The following ERN2 variants were observed in gnomAD, a reference collection of about 807,000 sequenced individuals.
ERN2 encodes the protein endoplasmic reticulum to nucleus signaling 2, also known as serine/threonine-protein kinase/endoribonuclease IRE2.
A neutral mutation model predicts 107.9 loss-of-function variants in ERN2; 111 were observed. The ratio of observed to expected loss-of-function variants is 1.03; its 90% CI spans 0.88 to 1.20. The LOEUF (loss-of-function observed/expected upper bound fraction) is 1.20, where lower values mean the gene tolerates loss of function less well. Ranked by LOEUF, ERN2 falls within the 50% of genes most tolerant of loss-of-function variation. The pLI, the probability that ERN2 is intolerant of heterozygous loss-of-function variation, is 0.00. For missense variants in ERN2, 1,225 were observed against 1,197.9 expected, an observed-to-expected ratio of 1.02 and a Z score of -0.33; for synonymous variants, 524 against 501.7, an observed-to-expected ratio of 1.04 and a Z score of -0.59.
In ERN2 at chr16:23,694,645, C is replaced by A. The variant is rs1361335316; in HGVS notation, c.2100+83G>T. The stretch of plus-strand genomic sequence containing the variant: ...TCACACAGCAAGTGTCATGGAGTCT[C>A]CTCAGGAGGGGAACTGGGACAGGGA... On this transcript the variant is annotated intron_variant, in intron 17 of 21. Transcript: ENST00000256797. 4 of 1,205,270 alleles carry A rather than the reference C, an allele frequency of 3.3e-6. No homozygotes were observed. The African/African-American group carries it at 6.0e-5, about 18-fold the overall frequency. The allele number at this position is 1,205,270 out of a possible 1,614,324, so 74.7% of individuals were successfully genotyped here.
At position 23,713,063 on chromosome 16, in the gene ERN2, T is replaced by C. The variant is rs377314792; in HGVS notation, c.93+32A>G. On this transcript the variant is annotated intron_variant, in intron 1 of 21. Transcript: ENST00000256797. Reference sequence around the variant, plus strand: ...GCCCCCTGCGCCCCGCGACCAGACTTTGGGGACTTGGCGTCGGTCCCTGGC... The same window carrying C: ...GCCCCCTGCGCCCCGCGACCAGACTCTGGGGACTTGGCGTCGGTCCCTGGC... 1,370 of 1,476,138 alleles carry C rather than the reference T, an allele frequency of 9.3e-4. 4 individuals are homozygous for C. Among genetic ancestry groups the C allele is most frequent in the Non-Finnish European group, 1.0e-3 (1,123 of 1,111,438 alleles). 91.4% of individuals were successfully genotyped at this position (1,476,138 alleles called of 1,614,324 possible). A position where few individuals can be genotyped will look rare whatever the true frequency, so the allele number is the denominator to read the frequency against.
chr16:23,695,787 A>G, intron 14 of ERN2, 107 bp downstream of exon 14: 1 of 765,372 alleles, frequency 1.3e-6, no homozygotes, highest in South Asian at 1.5e-5. Flanking sequence ...TGAGGGATCA[A>G]CCTGTACCCA....
intron 4 of ERN2, among the ~76,000 whole-genome samples, chr16:23,707,850 A>G (rs1288049373): frequency 6.6e-6 from 1 of 152,222 alleles, no homozygotes; most frequent in Non-Finnish European, 1.5e-5. Flanking sequence ...ACAGAAGTGA[A>G]GGAGTTGTTC....
At chr16:23,707,220 G>T in intron 4 of ERN2, 141 bp from the exon 5 acceptor site, 1 of 679,216 alleles carries the variant, frequency 1.5e-6, no homozygotes, top group South Asian at 1.7e-5. Context: ...CTGGGGCTTG[G>T]AGAGGCCATG....
chr16:23,705,243 A>G, intron 7 of ERN2, 96 bp from the exon 8 acceptor site: 1 of 1,359,230 alleles, frequency 7.4e-7, no homozygotes, highest in Non-Finnish European at 1.0e-6. Context: ...TGGTGTGTGG[A>G]GATCACATGG....
Position 23,700,952 on chromosome 16 carries a change from G to A in ERN2, c.1359+7C>T. The A allele has an allele frequency of 6.2e-7, 1 of 1,613,184 alleles. No homozygotes were observed. The highest frequency in any genetic ancestry group is 1.3e-5 in the African/African-American group (1 of 74,988). On this transcript the variant is annotated splice_region_variant and intron_variant, in intron 12 of 21. Transcript: ENST00000256797. The stretch of plus-strand genomic sequence containing the variant: ...AGATAGACCTGAGGTCAGGGCGGTG[G>A]GCCTACCTGCCTCATCACAAAGAGA...
chr16:23,694,668 G>T (rs1049920044), intron 17 of ERN2, 60 bp downstream of exon 17: 13 of 1,425,312 alleles, frequency 9.1e-6, no homozygotes, highest in Non-Finnish European at 1.2e-5. Context: ...ACTGGGACAG[G>T]GACGGATTCC....
chr16:23,696,164 C>CT (rs1357657850), intron 13 of ERN2, among the ~76,000 whole-genome samples, 186 bp from the exon 14 acceptor site: 4 of 152,224 alleles, frequency 2.6e-5, no homozygotes, highest in African/African-American at 9.6e-5. Flanking sequence ...GCCACTGATT[C>CT]TTTGTCTACT....
chr16:23,692,220 C>G lies in ERN2; in HGVS notation c.2212G>C (p.Ala738Pro). The change falls in exon 18 of 22, where the codon GCT (alanine) becomes CCT (proline). Residue 738 changes from alanine to proline, a missense_variant. Ala to Pro is a conservative substitution (Grantham distance 27, BLOSUM62 -1). Transcript: ENST00000256797. Reference protein sequence around the residue: ...LYRQANILTGAPCLAHLEEEV... With the variant: ...LYRQANILTGPPCLAHLEEEV... ...TCCTCCAGGTGAGCCAGACAGGGAG[C>G]CCCTGTGAGGATGTTTGCCTGGCGA... The G allele has an allele frequency of 6.2e-7, 1 of 1,614,136 alleles. No individual in the cohort carries two copies. The highest frequency in any genetic ancestry group is 8.5e-7 in the Non-Finnish European group (1 of 1,180,034).
Position 23,690,943 on chromosome 16 carries a change from A to G in ERN2, c.2669T>C (p.Leu890Pro). 6.2e-7 allele frequency: 1 copy of G among 1,614,028 alleles called. No individual in the cohort carries two copies. Among genetic ancestry groups the G allele is most frequent in the South Asian group, 1.1e-5 (1 of 91,086 alleles). Residue 890 changes from leucine to proline, a missense_variant, in exon 22 of 22, where the codon CTC becomes CCC. Coordinates refer to ENST00000256797, the MANE Select transcript of ERN2 (RefSeq NM_033266.4). The stretch of plus-strand genomic sequence containing the variant: ...CCTCATGGCTCGGTGCGTGTGGAGG[A>G]GCAGCCGTGGGAAGCGGTTTGTGAA... ...QYFTNRFPRL[L>P]LHTHRAMRSC...
At position 23,705,001 on chromosome 16, in the gene ERN2, G is replaced by C. The variant is rs749742039; in HGVS notation, c.736C>G (p.Leu246Val). The C allele has an allele frequency of 1.2e-6, 2 of 1,614,058 alleles. No homozygotes were observed. Among genetic ancestry groups the C allele is most frequent in the Non-Finnish European group, 1.7e-6 (2 of 1,180,030 alleles). Reference protein sequence around the residue: ...HQDGLRQLPHLTLARDTLHFL... With the variant: ...HQDGLRQLPHVTLARDTLHFL... ...TGCAGAGTGTCTCGAGCCAGCGTGA[G>C]ATGCGGCAGCTGGCGCAGGCCGTCC... is the stretch of plus-strand genomic sequence containing the variant. The change falls in exon 8 of 22, where the codon CTC becomes GTC. Residue 246 changes from leucine (L) to valine (V), a missense_variant. Physicochemically the swap from Leu to Val is conservative, Grantham distance 32. Coordinates refer to ENST00000256797, the MANE Select transcript of ERN2 (RefSeq NM_033266.4).
At chr16:23,701,418 C>T (rs1379618948) in intron 11 of ERN2, among the ~76,000 whole-genome samples, 1 of 152,222 alleles carries the variant, frequency 6.6e-6, no homozygotes, top group Non-Finnish European at 1.5e-5. Context: ...CTGGAGTGGG[C>T]TCCCAGGTGA....
In ERN2 at chr16:23,692,262, A is replaced by C; in HGVS notation, c.2170T>G (p.Phe724Val). The C allele has an allele frequency of 1.9e-6, 3 of 1,614,110 alleles. No homozygotes were observed. Among genetic ancestry groups the C allele is most frequent in the Non-Finnish European group, 1.7e-6 (2 of 1,180,016 alleles). ...GCCTGGCGATAAAGACTGTCTCCAA[A>C]GGGGTGGCTGCCACCAGAAAGCACG... Reference protein sequence around the residue: ...YYVLSGGSHPFGDSLYRQANI... With the variant: ...YYVLSGGSHPVGDSLYRQANI... The change falls in exon 18 of 22, where the codon TTT becomes GTT. Residue 724 changes from phenylalanine to valine, a missense_variant. Transcript: ENST00000256797.
Position 23,693,100 on chromosome 16 carries a change from G to A in ERN2, c.2101-769C>T, listed in dbSNP as rs563729072. On this transcript the variant is annotated intron_variant, in intron 17 of 21. Coordinates refer to ENST00000256797, the MANE Select transcript of ERN2 (RefSeq NM_033266.4). The stretch of plus-strand genomic sequence containing the variant: ...GGGAGGCCAGGAGTTCAAGACCAGC[G>A]TGGGCAACATGGTGAGACCCTGCCT... Among the ~76,000 whole-genome samples the A allele has an allele frequency of 1.6e-3, 235 of 151,458 alleles. 1 individual carries two copies. The highest frequency in any genetic ancestry group is 2.4e-3 in the Non-Finnish European group (162 of 67,874).
At chr16:23,702,900 A>G (rs1278010075) in intron 8 of ERN2, among the ~76,000 whole-genome samples, 198 bp from the exon 9 acceptor site, 2 of 152,066 alleles carry the variant, frequency 1.3e-5, no homozygotes, top group Non-Finnish European at 2.9e-5. Flanking sequence ...AGGCTTCCTT[A>G]TGCATTTTTC....
chr16:23,706,988 A>C lies in ERN2; in HGVS notation c.379+19T>G. 2 of 1,612,030 alleles carry C rather than the reference A, an allele frequency of 1.2e-6. No individual in the cohort carries two copies. Among genetic ancestry groups the C allele is most frequent in the Non-Finnish European group, 1.7e-6 (2 of 1,178,078 alleles). ...TCTGCTGGCTGAACCTGGACCCCACAGGCTGAAGAGATGCTCACCTGTGTA... is the reference window on the plus strand; with the variant it reads ...TCTGCTGGCTGAACCTGGACCCCACCGGCTGAAGAGATGCTCACCTGTGTA... On this transcript the variant is annotated intron_variant, in intron 5 of 21. Transcript: ENST00000256797.
chr16:23,695,722 C>CAAAAAAAAAAAAAA (rs57103138), intron 14 of ERN2, among the ~76,000 whole-genome samples, 172 bp downstream of exon 14: 1 of 37,374 alleles, frequency 2.7e-5, no homozygotes, highest in African/African-American at 9.6e-5. Flanking sequence ...GAGCAAGACT[C>CAAAAAAAAAAAAAA]AAAAAAAAAA....
At chr16:23,707,167 A>C in intron 4 of ERN2, 88 bp from the exon 5 acceptor site, 1 of 878,612 alleles carries the variant, frequency 1.1e-6, no homozygotes, top group Non-Finnish European at 1.9e-6. Context: ...ATAGCAACCA[A>C]TTAACAGGTA....
intron 7 of ERN2, 49 bp downstream of exon 7, chr16:23,706,281 G>GCTCCAA (rs1960302742): frequency 9.1e-6 from 12 of 1,314,358 alleles, no homozygotes; most frequent in Non-Finnish European, 1.2e-5. Context: ...AGGGTTCCCT[G>GCTCCAA]GGTTGGGGAC....
Sources: allele counts gnomAD v4.1 joint callset (sites outside exome capture counted in the v4.1 genomes callset), GRCh38; gene constraint gnomAD v4.1.1; transcripts MANE v1.5; gene names NCBI Gene and HGNC (gene_info 2026-07-23, HGNC 2026-07-21).